PIGU: variants seen among roughly 807,000 people sequenced by gnomAD.
PIGU encodes the protein phosphatidylinositol glycan anchor biosynthesis class U.
In PIGU, 24 loss-of-function variants were observed where a neutral mutation model predicts 49.9. The ratio of observed to expected loss-of-function variants is 0.48; its 90% CI spans 0.35 to 0.68. The LOEUF (loss-of-function observed/expected upper bound fraction) is 0.68, where lower values mean the gene tolerates loss of function less well. PIGU is among the 30% of genes least tolerant of loss of function. PIGU has a pLI of 0.01. For missense variants in PIGU, 490 were observed against 532.6 expected (o/e 0.92, Z 0.79); for synonymous variants, 220 against 205.7 (o/e 1.07, Z -0.59).
chr20:34,625,957 A>ATAAT (rs1555800339), intron 6 of PIGU, among the ~76,000 whole-genome samples: 4 of 145,742 alleles, frequency 2.7e-5, no homozygotes, highest in Non-Finnish European at 4.5e-5. Context: ...ACATATATAT[A>ATAAT]ATATATATAT....
At chr20:34,665,799 C>T (rs1987072737) in intron 1 of PIGU, among the ~76,000 whole-genome samples, 1 of 152,028 alleles carries the variant, frequency 6.6e-6, no homozygotes, top group South Asian at 2.1e-4. Flanking sequence ...ACATCTAAGG[C>T]ACATAAAACA....
At chr20:34,574,912 A>G (rs930925218) in intron 11 of PIGU, among the ~76,000 whole-genome samples, 192 bp downstream of exon 11, 1 of 152,112 alleles carries the variant, frequency 6.6e-6, no homozygotes, top group African/African-American at 2.4e-5. Context: ...TGCCCAATAC[A>G]TATCTGCCAG....
chr20:34,596,498 C>T (rs1478306270), intron 7 of PIGU, among the ~76,000 whole-genome samples: 1 of 151,974 alleles, frequency 6.6e-6, no homozygotes, highest in Non-Finnish European at 1.5e-5. Flanking sequence ...TTAACATTAG[C>T]GGAAGTGGAG....
Position 34,648,199 on chromosome 20 carries a change from C to T in PIGU, c.196-2865G>A, listed in dbSNP as rs79053851. ...CCAGGGAGATTGAGGCTGCAGTGAG[C>T]CTTGTTTGTACCACCGCACTCCAGC... On this transcript the variant is annotated intron_variant, in intron 2 of 11. Transcript: ENST00000217446. 3.6e-3 allele frequency among the ~76,000 whole-genome samples: 533 copies of T among 149,708 alleles called. 1 individual carries two copies. Among genetic ancestry groups the T allele is most frequent in the Middle Eastern group, 0.024 (7 of 294 alleles).
chr20:34,644,303 G>T, intron 3 of PIGU, 77 bp from the exon 4 acceptor site: 1 of 1,235,132 alleles, frequency 8.1e-7, no homozygotes, highest in South Asian at 1.2e-5. Context: ...AGGGCTTGGA[G>T]TTTTGAGATA....
intron 6 of PIGU, among the ~76,000 whole-genome samples, chr20:34,629,644 G>T (rs1029105940): frequency 6.6e-6 from 1 of 152,158 alleles, no homozygotes; most frequent in East Asian, 1.9e-4. Context: ...GTTGTTTTAA[G>T]CTACTGAATT....
At chr20:34,590,315 G>A (rs537262544) in intron 7 of PIGU, among the ~76,000 whole-genome samples, 62 of 152,204 alleles carry the variant, frequency 4.1e-4, no homozygotes, top group Admixed American at 8.5e-4. Context: ...CCAGCACTTT[G>A]GGAGGCCGAG....
intron 7 of PIGU, among the ~76,000 whole-genome samples, chr20:34,597,045 G>A (rs1010365015): frequency 7.9e-5 from 12 of 152,154 alleles, no homozygotes; most frequent in African/African-American, 2.4e-4. Context: ...GGTTGGGGGG[G>A]TTGTAAAATG....
At chr20:34,614,071 G>A (rs1387748776) in intron 7 of PIGU, among the ~76,000 whole-genome samples, 2 of 152,172 alleles carry the variant, frequency 1.3e-5, no homozygotes, top group Non-Finnish European at 2.9e-5. Context: ...CAAGGCAGAA[G>A]GATCGCTTGA....
chr20:34,577,782 A>G (rs1467227242), intron 10 of PIGU, among the ~76,000 whole-genome samples: 2 of 152,184 alleles, frequency 1.3e-5, no homozygotes, highest in Admixed American at 6.5e-5. Flanking sequence ...AGACTAGTCA[A>G]AGTCTCTAGG....
At chr20:34,638,686 T>C (rs868725845) in intron 4 of PIGU, among the ~76,000 whole-genome samples, 1 of 152,186 alleles carries the variant, frequency 6.6e-6, no homozygotes. Context: ...AGAGGAGGCG[T>C]AGAATGGCCA....
chr20:34,661,636 T>C (rs1986929974), intron 1 of PIGU, among the ~76,000 whole-genome samples: 1 of 152,096 alleles, frequency 6.6e-6, no homozygotes, highest in Non-Finnish European at 1.5e-5. Flanking sequence ...TTCAGGTTAA[T>C]TCCATGTCTT....
intron 11 of PIGU, among the ~76,000 whole-genome samples, chr20:34,573,730 C>A (rs528644002): frequency 6.6e-6 from 1 of 152,368 alleles, no homozygotes; most frequent in East Asian, 1.9e-4. Context: ...TTGAGCCCTG[C>A]AGAATTCTGC....
At chr20:34,615,374 G>A (rs777284067) in intron 7 of PIGU, among the ~76,000 whole-genome samples, 17 of 152,294 alleles carry the variant, frequency 1.1e-4, no homozygotes, top group South Asian at 4.1e-4. Flanking sequence ...ATCTTACAAG[G>A]TGAGTGTTAT....
intron 2 of PIGU, among the ~76,000 whole-genome samples, chr20:34,650,096 C>T (rs1600660433): frequency 6.6e-6 from 1 of 151,986 alleles, no homozygotes; most frequent in Admixed American, 6.6e-5. Flanking sequence ...GATCCGCCCG[C>T]CTCGGCCTCC....
chr20:34,568,753 C>T (rs1382654420), intron 11 of PIGU, among the ~76,000 whole-genome samples: 3 of 152,162 alleles, frequency 2.0e-5, no homozygotes, highest in Admixed American at 1.3e-4. Flanking sequence ...TGTCAGACCT[C>T]GGGCTTCAGG....
chr20:34,675,389 G>C (rs757664860), intron 1 of PIGU, among the ~76,000 whole-genome samples: 5 of 151,954 alleles, frequency 3.3e-5, no homozygotes, highest in Non-Finnish European at 7.4e-5. Context: ...CAGTTATCCA[G>C]AAGAAAACAG....
chr20:34,646,827 T>C (rs1986361359), intron 2 of PIGU, among the ~76,000 whole-genome samples: 1 of 152,158 alleles, frequency 6.6e-6, no homozygotes, highest in Non-Finnish European at 1.5e-5. Context: ...TTTCTTTTCT[T>C]TTCTTTTTTT....
chr20:34,672,273 A>G (rs1987332007), intron 1 of PIGU, among the ~76,000 whole-genome samples: 1 of 152,214 alleles, frequency 6.6e-6, no homozygotes, highest in Admixed American at 6.6e-5. Flanking sequence ...TTACACTATC[A>G]AATAAACCGA....
Sources: gnomAD v4.1 joint callset for allele counts (sites outside exome capture counted in the v4.1 genomes callset) on GRCh38, gnomAD v4.1.1 for gene constraint, MANE v1.5 for transcripts, NCBI Gene and HGNC (gene_info 2026-07-23, HGNC 2026-07-21) for gene names.